Variants in DYSF observed in about 807,000 individuals in gnomAD.
DYSF encodes dysferlin.
A neutral mutation model predicts 274.9 loss-of-function variants in DYSF; 212 were observed. The observed-to-expected ratio is 0.77, with a 90% CI of 0.69 to 0.86. The LOEUF (loss-of-function observed/expected upper bound fraction) is 0.86. Ranked by LOEUF, DYSF falls within the 40% of genes least tolerant of loss-of-function variation. The pLI, the probability that DYSF is intolerant of heterozygous loss-of-function variation, is 0.00. For synonymous variants in DYSF, 1,091 were observed against 1,078.7 expected (o/e 1.01, Z -0.22); for missense variants, 2,666 against 2,783.2 (o/e 0.96, Z 0.95).
chr2:71,589,264 C>T (rs1399319113), intron 30 of DYSF, among the ~76,000 whole-genome samples: 1 of 152,204 alleles, frequency 6.6e-6, no homozygotes, highest in Non-Finnish European at 1.5e-5. Flanking sequence ...CCCTAGTGGG[C>T]AGATCCCCAT....
In DYSF at chr2:71,564,101, G is replaced by T. The variant is rs1316509145; in HGVS notation, c.2453G>T (p.Gly818Val). ...LPDIVIWMLQ[G>V]DKRVAYQRVP... ...GACATCGTCATCTGGATGCTGCAGGGAGACAAGCGTGTGGCATACCAGCGG... is the reference window on the plus strand; with the variant it reads ...GACATCGTCATCTGGATGCTGCAGGTAGACAAGCGTGTGGCATACCAGCGG... The change falls in exon 24 of 56, where the codon GGA becomes GTA. Residue 818 changes from glycine (G) to valine (V), a missense_variant. Coordinates refer to ENST00000410020, the MANE Select transcript of DYSF (RefSeq NM_001130987.2). 1 of 1,614,254 alleles carries T rather than the reference G, an allele frequency of 6.2e-7. No individual in the cohort carries two copies. The highest frequency in any genetic ancestry group is 1.1e-5 in the South Asian group (1 of 91,090).
chr2:71,614,170 T>C (rs1308491640), intron 40 of DYSF, among the ~76,000 whole-genome samples: 1 of 152,164 alleles, frequency 6.6e-6, no homozygotes, highest in East Asian at 1.9e-4. Context: ...CTTCCCACAG[T>C]AGACATGGAG....
At chr2:71,601,839 G>T (rs2152860516) in intron 35 of DYSF, among the ~76,000 whole-genome samples, 1 of 152,304 alleles carries the variant, frequency 6.6e-6, no homozygotes, top group African/African-American at 2.4e-5. Flanking sequence ...ACTGCCCAGG[G>T]AATCTTAATG....
intron 42 of DYSF, among the ~76,000 whole-genome samples, chr2:71,655,075 A>T (rs749927604): frequency 4.6e-5 from 7 of 152,238 alleles, no homozygotes; most frequent in Non-Finnish European, 8.8e-5. Flanking sequence ...TGGGTGACAG[A>T]GTGAGACTTC....
intron 3 of DYSF, among the ~76,000 whole-genome samples, chr2:71,492,865 C>T (rs1351738716): frequency 6.6e-6 from 1 of 151,932 alleles, no homozygotes; most frequent in African/African-American, 2.4e-5. Context: ...AAATTTAACA[C>T]GATGCCATAC....
intron 51 of DYSF, among the ~76,000 whole-genome samples, chr2:71,671,941 G>A (rs2095130604): frequency 6.6e-6 from 1 of 152,154 alleles, no homozygotes. Flanking sequence ...GTCAGACTTG[G>A]GAGAATGAGA....
At chr2:71,577,938 G>T (rs984104016) in intron 30 of DYSF, among the ~76,000 whole-genome samples, 1 of 152,160 alleles carries the variant, frequency 6.6e-6, no homozygotes, top group Non-Finnish European at 1.5e-5. Flanking sequence ...GGTGGGATGG[G>T]TGAGGCCTCT....
chr2:71,669,174 C>G lies in DYSF; in HGVS notation c.5609C>G (p.Thr1870Arg). The change falls in exon 50 of 56, where the codon ACG becomes AGG. Residue 1870 changes from threonine (T) to arginine (R), a missense_variant. Coordinates refer to ENST00000410020, the MANE Select transcript of DYSF (RefSeq NM_001130987.2). ...GTGATCCTGGATGACCTGAGCCTCACGGGGGAGAAGATGAGCGACATTTAT... is the reference window on the plus strand; with the variant it reads ...GTGATCCTGGATGACCTGAGCCTCAGGGGGGAGAAGATGAGCGACATTTAT... ...RDVILDDLSL[T>R]GEKMSDIYVK... 1 of 1,610,482 alleles carries G rather than the reference C, an allele frequency of 6.2e-7. No homozygotes were observed. The highest frequency in any genetic ancestry group is 8.5e-7 in the Non-Finnish European group (1 of 1,178,508).
chr2:71,588,119 T>A (rs1249030894), intron 30 of DYSF, among the ~76,000 whole-genome samples: 2 of 152,128 alleles, frequency 1.3e-5, no homozygotes, highest in Non-Finnish European at 2.9e-5. Flanking sequence ...AGTGAGTGTG[T>A]CTGGGACAGC....
rs201191038 is a variant in DYSF at position 71,674,189 on chromosome 2, C to T, written c.5785-8C>T. On this transcript the variant is annotated splice_region_variant and splice_polypyrimidine_tract_variant and intron_variant, in intron 51 of 55. Transcript: ENST00000410020. ...CTTGCATCCTTCTCTGTTCCTCTTC[C>T]GGGTCAGGATGCCTTCTGGAGGCTG... 2.4e-4 allele frequency: 390 copies of T among 1,613,564 alleles called. 1 individual carries two copies. The highest frequency in any genetic ancestry group is 3.0e-4 in the Admixed American group (18 of 60,012).
chr2:71,481,244 G>A (rs145007610), intron 2 of DYSF, among the ~76,000 whole-genome samples: 1 of 152,338 alleles, frequency 6.6e-6, no homozygotes, highest in East Asian at 1.9e-4. Context: ...CACACAGGCT[G>A]TTCCTTTTTC....
intron 34 of DYSF, 51 bp downstream of exon 34, chr2:71,600,893 G>A (rs763901557): frequency 1.9e-6 from 3 of 1,600,902 alleles, no homozygotes; most frequent in Admixed American, 1.7e-5. Flanking sequence ...GAGTGGGGTG[G>A]GGGCCAACCC....
In DYSF at chr2:71,481,407, G is replaced by A. The variant is rs751125900; in HGVS notation, c.147+469G>A. On this transcript the variant is annotated intron_variant, in intron 2 of 55. Transcript: ENST00000410020. ...CCTGCTGCCTTGCATGGATGGGGTC[G>A]GATGCACAGGGGAGCCTTTGCTCTG... Among the ~76,000 whole-genome samples the A allele has an allele frequency of 5.9e-5, 9 of 152,242 alleles. No individual in the cohort carries two copies. The East Asian group carries it at 9.6e-4, about 16-fold the overall frequency.
chr2:71,460,686 A>T (rs1258083910), intron 1 of DYSF, among the ~76,000 whole-genome samples: 1 of 152,146 alleles, frequency 6.6e-6, no homozygotes, highest in Non-Finnish European at 1.5e-5. Context: ...GATGAAAAGG[A>T]GGCCTCAGGA....
Position 71,480,395 on chromosome 2 carries a change from C to CACAT in DYSF, c.92-484_92-481dup, listed in dbSNP as rs1553507918. On this transcript the variant is annotated intron_variant, in intron 1 of 55. Transcript: ENST00000410020. ...ACACACACACACACGCACACACACA[C>CACAT]ACATACACACCAGCTTGATCTAGTG... Among the ~76,000 whole-genome samples the CACAT allele has an allele frequency of 7.5e-3, 1,134 of 152,056 alleles. 16 individuals are homozygous for CACAT. Among genetic ancestry groups the CACAT allele is most frequent in the African/African-American group, 0.024 (1,014 of 41,450 alleles).
At chr2:71,585,173 C>T (rs918343491) in intron 30 of DYSF, among the ~76,000 whole-genome samples, 9 of 152,180 alleles carry the variant, frequency 5.9e-5, no homozygotes, top group East Asian at 1.9e-4. Context: ...AGGCCAGGGA[C>T]GCTGCTAAAC....
intron 41 of DYSF, among the ~76,000 whole-genome samples, chr2:71,630,638 C>T (rs962305101): frequency 3.3e-5 from 5 of 152,170 alleles, no homozygotes; most frequent in South Asian, 2.1e-4. Context: ...CCTATAGGCT[C>T]AGTGAGTGGG....
In DYSF at chr2:71,611,225, C is replaced by G; in HGVS notation, c.3958-20C>G. ...TCTTCCTTCCACCTTTGTCTCCATT[C>G]TACCTGCTGTCCACTGCAGTCTGAG... On this transcript the variant is annotated intron_variant, in intron 36 of 55. Coordinates refer to ENST00000410020, the MANE Select transcript of DYSF (RefSeq NM_001130987.2). 6.3e-7 allele frequency: 1 copy of G among 1,578,948 alleles called. No individual in the cohort carries two copies. Among genetic ancestry groups the G allele is most frequent in the Non-Finnish European group, 8.7e-7 (1 of 1,148,032 alleles).
chr2:71,502,250 T>C (rs910768480), intron 3 of DYSF, among the ~76,000 whole-genome samples: 5 of 152,066 alleles, frequency 3.3e-5, no homozygotes, highest in Non-Finnish European at 7.4e-5. Context: ...TTCCAATCAA[T>C]ATTTGCAGAG....
Sources: gnomAD v4.1 joint callset for allele counts (sites outside exome capture counted in the v4.1 genomes callset) on GRCh38, gnomAD v4.1.1 for gene constraint, MANE v1.5 for transcripts, NCBI Gene and HGNC (gene_info 2026-07-23, HGNC 2026-07-21) for gene names.